Variants in C1QL4 observed in about 807,000 individuals in gnomAD.
C1QL4 encodes the protein complement C1q like 4, also known as complement C1q-like protein 4.
C1QL4 carries 5 observed loss-of-function variants against 13.4 expected under a neutral mutation model. The ratio of observed to expected loss-of-function variants is 0.37; its 90% confidence interval spans 0.19 to 0.78. The LOEUF is 0.78. C1QL4 is among the 30% of genes least tolerant of loss of function. The probability of loss-of-function intolerance (pLI) is 0.47; values close to 1 mark genes in which losing one functional copy is unlikely to be tolerated. For synonymous variants in C1QL4, 168 were observed against 153.9 expected (o/e 1.09, Z -0.68); for missense variants, 367 against 361.6 (o/e 1.01, Z -0.12).
rs1162156820 is a variant in C1QL4, at chr12:49,336,225, C to T, written c.253G>A (p.Gly85Ser). ...PGPRGPPGEP[G>S]RPGPPGPPGP... ...GGAGGGCCCGGGGGGCCTGGCCTGC[C>T]GGGTTCTCCTGGGGGCCCTCTTGGA... Residue 85 changes from glycine to serine, a missense_variant, in exon 1 of 2, where the codon GGC becomes AGC. Physicochemically the swap from Gly to Ser is moderately conservative, Grantham distance 56 (BLOSUM62 0). Transcript: ENST00000334221. The surrounding 1 kb of genome is among the most constrained non-coding windows in gnomAD (Gnocchi z 7.7). The T allele has an allele frequency of 8.7e-6, 13 of 1,495,236 alleles. No individual in the cohort carries two copies. Among genetic ancestry groups the T allele is most frequent in the Admixed American group, 4.6e-5 (2 of 43,088 alleles). The allele number at this position is 1,495,236 out of a possible 1,614,324, so 92.6% of individuals were successfully genotyped here.
rs1592315855 is a variant in C1QL4, at chr12:49,332,749, A to G, written c.*305T>C. ...CTGGGCCTCTGAGTCCCGCTATTAA[A>G]ACTGCTCCCCATCTCTGTACAAAAG... On this transcript the variant is annotated 3_prime_UTR_variant, in exon 2 of 2. Coordinates refer to ENST00000334221, the MANE Select transcript of C1QL4 (RefSeq NM_001008223.2). The G allele has an allele frequency of 3.1e-6, 1 of 318,188 alleles. No individual in the cohort carries two copies. Among genetic ancestry groups the G allele is most frequent in the Admixed American group, 4.5e-5 (1 of 22,182 alleles). 19.7% of individuals were successfully genotyped at this position (318,188 alleles called of 1,614,324 possible). A position where few individuals can be genotyped will look rare whatever the true frequency, so the allele number is the denominator to read the frequency against.
rs1943629617 is a variant in C1QL4 at position 49,336,129 on chromosome 12, G to T, written c.349C>A (p.Arg117=). The T allele has an allele frequency of 1.2e-6, 2 of 1,610,862 alleles. No individual in the cohort carries two copies. Among genetic ancestry groups the T allele is most frequent in the Non-Finnish European group, 8.5e-7 (1 of 1,179,484 alleles). The change falls in exon 1 of 2, where the codon CGG becomes AGG. Residue 117 remains arginine (R), a synonymous_variant. Coordinates refer to ENST00000334221, the MANE Select transcript of C1QL4 (RefSeq NM_001008223.2). The surrounding 1 kb of genome is among the most constrained non-coding windows in gnomAD (Gnocchi z 7.7). ...VPRIAFYAGL[R]RPHEGYEVLR... ...ACCTCGTAACCCTCGTGGGGCCGCC[G>T]CAGGCCCGCGTAGAAAGCAATGCGA...
chr12:49,332,997 A>C lies in C1QL4; in HGVS notation c.*57T>G, dbSNP rs1943602996. The stretch of plus-strand genomic sequence containing the variant: ...GGGTGGCGCCTCGGGTGGGGCGGGC[A>C]GGAGGTGGGTGAGGACGGGAGAGAA... On this transcript the variant is annotated 3_prime_UTR_variant, in exon 2 of 2. Transcript: ENST00000334221. 6.7e-6 allele frequency: 10 copies of C among 1,490,444 alleles called. No individual in the cohort carries two copies. Among genetic ancestry groups the C allele is most frequent in the Non-Finnish European group, 7.2e-6 (8 of 1,106,294 alleles). The allele number at this position is 1,490,444 out of a possible 1,614,324, so 92.3% of individuals were successfully genotyped here.
rs2137081157 is a variant in C1QL4 at position 49,336,034 on chromosome 12, G to A, written c.444C>T (p.Cys148=). The A allele has an allele frequency of 6.2e-7, 1 of 1,611,906 alleles. No homozygotes were observed. The highest frequency in any genetic ancestry group is 8.5e-7 in the Non-Finnish European group (1 of 1,179,786). Residue 148 remains cysteine (C), a synonymous_variant, in exon 1 of 2, where the codon TGC becomes TGT. Transcript: ENST00000334221. The surrounding 1 kb of genome is among the most constrained non-coding windows in gnomAD (Gnocchi z 7.7). ...AYEAASGKFT[C]PMPGVYFFAY... ...CGAAGAAGTAGACGCCTGGCATGGG[G>A]CAAGTAAACTTGCCGCTGGCTGCCT...
Position 49,336,193 on chromosome 12 carries a change from T to G in C1QL4, c.285A>C (p.Pro95=). Reference sequence around the variant, plus strand: ...CAGCGGGCGCCACCCCGCCCGGACCTGGACCGGGAGGGCCCGGGGGGCCTG... The same window carrying G: ...CAGCGGGCGCCACCCCGCCCGGACCGGGACCGGGAGGGCCCGGGGGGCCTG... ...GRPGPPGPPG[P]GPGGVAPAAG... is the part of the protein sequence containing the mutation. The change falls in exon 1 of 2, where the codon CCA becomes CCC. Residue 95 remains proline (P), a synonymous_variant. Coordinates refer to ENST00000334221, the MANE Select transcript of C1QL4 (RefSeq NM_001008223.2). The surrounding 1 kb of genome is among the most constrained non-coding windows in gnomAD (Gnocchi z 7.7). The G allele has an allele frequency of 6.3e-7, 1 of 1,579,908 alleles. No homozygotes were observed. Among genetic ancestry groups the G allele is most frequent in the Non-Finnish European group, 8.6e-7 (1 of 1,163,730 alleles).
intron 1 of C1QL4, among the ~76,000 whole-genome samples, chr12:49,334,590 C>A (rs1050262183): frequency 1.3e-5 from 2 of 152,192 alleles, no homozygotes; most frequent in African/African-American, 4.8e-5. Context: ...CCGCAGCGCC[C>A]GCACTGAAGA....
chr12:49,332,959 CT>C lies in C1QL4; in HGVS notation c.*94del. ...CGGAAGGGTCCACCCCACCGCCAGG[CT>C]CTCAAAGGGTGGGGTGGCGCCTCGG... On this transcript the variant is annotated 3_prime_UTR_variant, in exon 2 of 2. Coordinates refer to ENST00000334221, the MANE Select transcript of C1QL4 (RefSeq NM_001008223.2). The C allele has an allele frequency of 7.7e-7, 1 of 1,297,448 alleles. No individual in the cohort carries two copies. The highest frequency in any genetic ancestry group is 1.1e-6 in the Non-Finnish European group (1 of 951,546). 80.4% of individuals were successfully genotyped at this position (1,297,448 alleles called of 1,614,324 possible).
At position 49,333,091 on chromosome 12, in the gene C1QL4, T is replaced by C. The variant is rs2137078766; in HGVS notation, c.680A>G (p.Tyr227Cys). The C allele has an allele frequency of 6.2e-7, 1 of 1,614,064 alleles. No individual in the cohort carries two copies. The highest frequency in any genetic ancestry group is 1.1e-5 in the South Asian group (1 of 91,070). Residue 227 changes from tyrosine (Y) to cysteine (C), a missense_variant, in exon 2 of 2, where the codon TAC becomes TGC. Coordinates refer to ENST00000334221, the MANE Select transcript of C1QL4 (RefSeq NM_001008223.2). ...GATGATGAAGCCGGAGAAGGTGCTG[T>C]ACTTGTTGGTGTTGCCGCCGTGCAC... ...GKVHGGNTNK[Y>C]STFSGFIIYP...
rs770985131 is a variant in C1QL4, at chr12:49,335,967, ACATGC to A, written c.506_510del (p.Ser169MetfsTer100). The A allele has an allele frequency of 6.2e-7, 1 of 1,606,896 alleles. No homozygotes were observed. The highest frequency in any genetic ancestry group is 1.3e-5 in the African/African-American group (1 of 74,770). Reference sequence around the variant, plus strand: ...TGTCCGTTCTTCATGAGGTCGGCCCACATGCTGGTGCCGTCGCCGCCGCGCATGAG... The same window carrying A: ...TGTCCGTTCTTCATGAGGTCGGCCCATGGTGCCGTCGCCGCCGCGCATGAG... On this transcript the variant is annotated frameshift_variant, in exon 1 of 2. Coordinates refer to ENST00000334221, the MANE Select transcript of C1QL4 (RefSeq NM_001008223.2). LOFTEE classifies it high-confidence loss of function.
intron 1 of C1QL4, among the ~76,000 whole-genome samples, chr12:49,333,488 G>C (rs1017872376): frequency 6.6e-6 from 1 of 152,052 alleles, no homozygotes; most frequent in Non-Finnish European, 1.5e-5. Flanking sequence ...CACCTCATAG[G>C]GTGTTAAGAT....
Position 49,337,088 on chromosome 12 carries a change from C to G in C1QL4, c.-611G>C, listed in dbSNP as rs1943639973. 1 of 152,412 alleles carries G rather than the reference C, an allele frequency of 6.6e-6. No individual in the cohort carries two copies. The highest frequency in any genetic ancestry group is 2.4e-5 in the African/African-American group (1 of 41,468). 9.4% of individuals were successfully genotyped at this position (152,412 alleles called of 1,614,324 possible). The stretch of plus-strand genomic sequence containing the variant: ...TCACCTTGCTACCCCTGCCGCGGCC[C>G]CAGTCCCTGCTAGAGCCCTGGCCCG... On this transcript the variant is annotated 5_prime_UTR_variant, in exon 1 of 2. Coordinates refer to ENST00000334221, the MANE Select transcript of C1QL4 (RefSeq NM_001008223.2).
Position 49,336,452 on chromosome 12 carries a change from A to G in C1QL4, c.26T>C (p.Ile9Thr). MVLLLLVA[I>T]PLLVHSSRGP... Reference sequence around the variant, plus strand: ...GCGGGAGCTGTGCACCAGCAGCGGGATGGCCACCAGCAGCAGCAGCACCAT... The same window carrying G: ...GCGGGAGCTGTGCACCAGCAGCGGGGTGGCCACCAGCAGCAGCAGCACCAT... Residue 9 changes from isoleucine (I) to threonine (T), a missense_variant, in exon 1 of 2, where the codon ATC becomes ACC. By Grantham distance (89) the Ile-to-Thr change is moderately conservative (BLOSUM62 -1). Transcript: ENST00000334221. The surrounding 1 kb of genome is among the most constrained non-coding windows in gnomAD (Gnocchi z 7.7). 1 of 1,548,876 alleles carries G rather than the reference A, an allele frequency of 6.5e-7. No homozygotes were observed. Among genetic ancestry groups the G allele is most frequent in the Non-Finnish European group, 8.6e-7 (1 of 1,160,808 alleles).
intron 1 of C1QL4, among the ~76,000 whole-genome samples, chr12:49,333,606 G>A (rs907225545): frequency 1.4e-5 from 2 of 147,496 alleles, no homozygotes. Context: ...GCAATGGCAC[G>A]ATCTCGGCTT....
intron 1 of C1QL4, among the ~76,000 whole-genome samples, chr12:49,334,919 C>A (rs1052965638): frequency 6.6e-6 from 1 of 152,224 alleles, no homozygotes; most frequent in African/African-American, 2.4e-5. Context: ...CAGGCTCCTG[C>A]AGGCCTGAAG....
Position 49,336,504 on chromosome 12 carries a change from C to G in C1QL4, c.-27G>C. On this transcript the variant is annotated 5_prime_UTR_variant, in exon 1 of 2. Coordinates refer to ENST00000334221, the MANE Select transcript of C1QL4 (RefSeq NM_001008223.2). This position sits in a 1 kb window ranked among gnomAD's most constrained non-coding sequence, Gnocchi z 7.7. The stretch of plus-strand genomic sequence containing the variant: ...GCCACTCCGACGGCCGCGCCCGCCA[C>G]CCTCTTGCGGCGGCTCAGCCGCGAC... 6.8e-7 allele frequency: 1 copy of G among 1,477,560 alleles called. No homozygotes were observed. Among genetic ancestry groups the G allele is most frequent in the Non-Finnish European group, 8.8e-7 (1 of 1,130,582 alleles). The allele number at this position is 1,477,560 out of a possible 1,614,324, so 91.5% of individuals were successfully genotyped here. A position where few individuals can be genotyped will look rare whatever the true frequency, so the allele number is the denominator to read the frequency against.
In C1QL4 at chr12:49,336,610, T is replaced by TG; in HGVS notation, c.-134dup. Reference sequence around the variant, plus strand: ...GGGCTCTCCGCGGGCCAGGAGGCGGTGACCCGCCTTGGGCCTGGGTCTGCA... The same window carrying TG: ...GGGCTCTCCGCGGGCCAGGAGGCGGTGGACCCGCCTTGGGCCTGGGTCTGCA... On this transcript the variant is annotated 5_prime_UTR_variant, in exon 1 of 2. Coordinates refer to ENST00000334221, the MANE Select transcript of C1QL4 (RefSeq NM_001008223.2). The surrounding 1 kb of genome is among the most constrained non-coding windows in gnomAD (Gnocchi z 7.7). The TG allele has an allele frequency of 9.4e-7, 1 of 1,068,646 alleles. No individual in the cohort carries two copies. Among genetic ancestry groups the TG allele is most frequent in the South Asian group, 2.1e-5 (1 of 48,666 alleles). The allele number at this position is 1,068,646 out of a possible 1,614,324, so 66.2% of individuals were successfully genotyped here.
chr12:49,336,137 G>T lies in C1QL4; in HGVS notation c.341C>A (p.Ala114Glu). The change falls in exon 1 of 2, where the codon GCG becomes GAG. Residue 114 changes from alanine to glutamate, a missense_variant. Coordinates refer to ENST00000334221, the MANE Select transcript of C1QL4 (RefSeq NM_001008223.2). The surrounding 1 kb of genome is among the most constrained non-coding windows in gnomAD (Gnocchi z 7.7). The stretch of plus-strand genomic sequence containing the variant: ...ACCCTCGTGGGGCCGCCGCAGGCCC[G>T]CGTAGAAAGCAATGCGAGGCACGTA... The part of the protein sequence containing the change: ...AGYVPRIAFY[A>E]GLRRPHEGYE... 1 of 1,610,268 alleles carries T rather than the reference G, an allele frequency of 6.2e-7. No individual in the cohort carries two copies. The highest frequency in any genetic ancestry group is 2.2e-5 in the East Asian group (1 of 44,822).
rs766147916 is a variant in C1QL4 at position 49,336,529 on chromosome 12, C to T, written c.-52G>A. ...CCCTCTTGCGGCGGCTCAGCCGCGA[C>T]GCTGCCAGGGCCAGCAAATCTTCCT... On this transcript the variant is annotated 5_prime_UTR_variant, in exon 1 of 2. Coordinates refer to ENST00000334221, the MANE Select transcript of C1QL4 (RefSeq NM_001008223.2). This position sits in a 1 kb window ranked among gnomAD's most constrained non-coding sequence, Gnocchi z 7.7. 4.9e-6 allele frequency: 7 copies of T among 1,429,840 alleles called. No individual in the cohort carries two copies. The East Asian group carries it at 1.7e-4, about 34-fold the overall frequency. The allele number at this position is 1,429,840 out of a possible 1,614,324, so 88.6% of individuals were successfully genotyped here.
rs1463628680 is a variant in C1QL4, at chr12:49,333,339, TG to T, written c.538-107del. The stretch of plus-strand genomic sequence containing the variant: ...GCGGCCGGGCAGCCGCCGCAGGGGC[TG>T]GGGAGGACCAGGGAGGAGGGTAGGA... On this transcript the variant is annotated intron_variant, in intron 1 of 1. Transcript: ENST00000334221. 9 of 1,179,812 alleles carry T rather than the reference TG, an allele frequency of 7.6e-6. No individual in the cohort carries two copies. The African/African-American group carries it at 1.2e-4, about 16-fold the overall frequency. 73.1% of individuals were successfully genotyped at this position (1,179,812 alleles called of 1,614,324 possible).
Sources: allele counts gnomAD v4.1 joint callset (sites outside exome capture counted in the v4.1 genomes callset), GRCh38; gene constraint gnomAD v4.1.1; non-coding constraint Gnocchi (gnomAD v3.1); transcripts MANE v1.5; gene names NCBI Gene and HGNC (gene_info 2026-07-23, HGNC 2026-07-21).